Variants in PCDHA3 observed in about 807,000 individuals in gnomAD.
PCDHA3 encodes the protein protocadherin alpha-3.
In PCDHA3, 41 loss-of-function variants were observed where a neutral mutation model predicts 62.2. The observed-to-expected ratio is 0.66, with a 90% CI of 0.51 to 0.86. The LOEUF (loss-of-function observed/expected upper bound fraction) is 0.86, where lower values mean the gene tolerates loss of function less well. Ranked by LOEUF, PCDHA3 falls within the 40% of genes least tolerant of loss-of-function variation. PCDHA3 has a pLI of 0.00. For synonymous variants in PCDHA3, 640 were observed against 555.4 expected (o/e 1.15, Z -2.14); for missense variants, 1,304 against 1,241.2 (o/e 1.05, Z -0.76).
At chr5:140,989,140 C>A (rs2153881117) in intron 3 of PCDHA3, among the ~76,000 whole-genome samples, 1 of 152,290 alleles carries the variant, frequency 6.6e-6, no homozygotes, top group East Asian at 1.9e-4. Context: ...CACTTTATCC[C>A]TTCTTTTGTT....
intron 1 of PCDHA3, among the ~76,000 whole-genome samples, chr5:140,949,015 T>A (rs1004348581): frequency 7.9e-5 from 12 of 151,734 alleles, no homozygotes; most frequent in Non-Finnish European, 1.2e-4. Context: ...ATATGTGATG[T>A]TTTTATTTTT....
chr5:140,968,935 C>T, intron 1 of PCDHA3: 1 of 1,614,172 alleles, frequency 6.2e-7, no homozygotes, highest in Non-Finnish European at 8.5e-7. Context: ...TTTTGACAAT[C>T]ATCATTTTGA....
At chr5:140,841,682 G>T (rs2150320729) in intron 1 of PCDHA3, 21 of 1,613,844 alleles carry the variant, frequency 1.3e-5, no homozygotes, top group South Asian at 5.5e-5. Context: ...CCATGTGGAC[G>T]TGGAGGTGAA....
At chr5:140,871,934 C>T (rs2053394158) in intron 1 of PCDHA3, among the ~76,000 whole-genome samples, 1 of 152,222 alleles carries the variant, frequency 6.6e-6, no homozygotes, top group Non-Finnish European at 1.5e-5. Flanking sequence ...GTTAGATCAA[C>T]TGGCTTTGTT....
chr5:140,805,949 A>G (rs574617757), intron 1 of PCDHA3, among the ~76,000 whole-genome samples: 3 of 152,352 alleles, frequency 2.0e-5, no homozygotes, highest in Non-Finnish European at 4.4e-5. Context: ...TGAGCTATTA[A>G]ACAATTAAGA....
rs1434027533 is a variant in PCDHA3, at chr5:140,831,618, C to A, written c.2394+28027C>A. ...GTGCAAGTGATCTGCCCACCTTGGC[C>A]TCCCAAAGTACTAAGATTATAGGTG... On this transcript the variant is annotated intron_variant, in intron 1 of 3. Coordinates refer to ENST00000522353, the MANE Select transcript of PCDHA3 (RefSeq NM_018906.3). 2.6e-5 allele frequency among the ~76,000 whole-genome samples: 4 copies of A among 151,234 alleles called. No homozygotes were observed. In the South Asian group the frequency reaches 8.3e-4, roughly 32 times the overall value.
intron 1 of PCDHA3, chr5:140,827,999 G>T: frequency 6.7e-7 from 1 of 1,484,114 alleles, no homozygotes; most frequent in Non-Finnish European, 9.0e-7. Context: ...GATGGCGGAC[G>T]CAGAAGAAAT....
chr5:140,815,952 G>A (rs1046719441), intron 1 of PCDHA3: 1 of 152,178 alleles, frequency 6.6e-6, no homozygotes, highest in Non-Finnish European at 1.5e-5. Context: ...TACTGGTAGA[G>A]TTAGGGGTGT....
chr5:140,870,366 A>G, intron 1 of PCDHA3: 1 of 1,613,926 alleles, frequency 6.2e-7, no homozygotes, highest in South Asian at 1.1e-5. Flanking sequence ...GGGCCTATGA[A>G]CTGGTGGTGA....
Position 141,012,307 on chromosome 5 carries a change from T to G in PCDHA3, c.*2370T>G, listed in dbSNP as rs369179929. ...CATTTTGAATTGGTGCTATTGGTAT[T>G]TCCTCTGTTATTGCTAATAAATGAA... On this transcript the variant is annotated 3_prime_UTR_variant, in exon 4 of 4. Transcript: ENST00000522353. 1 of 153,794 alleles carries G rather than the reference T, an allele frequency of 6.5e-6. No homozygotes were observed. The highest frequency in any genetic ancestry group is 1.5e-5 in the Non-Finnish European group (1 of 68,040). 9.5% of individuals were successfully genotyped at this position (153,794 alleles called of 1,614,324 possible).
chr5:140,896,227 A>G (rs1332090647), intron 1 of PCDHA3, among the ~76,000 whole-genome samples: 1 of 152,230 alleles, frequency 6.6e-6, no homozygotes, highest in Non-Finnish European at 1.5e-5. Flanking sequence ...TCTTTATAGT[A>G]GAATGACTTA....
Position 140,842,949 on chromosome 5 carries a change from C to T in PCDHA3, c.2394+39358C>T. On this transcript the variant is annotated intron_variant, in intron 1 of 3. Coordinates refer to ENST00000522353, the MANE Select transcript of PCDHA3 (RefSeq NM_018906.3). Reference sequence around the variant, plus strand: ...GTGAGCGCGCGCGACGCGGGCGTGCCGCCTCTGGGCAGCAACGTGACGCTG... The same window carrying T: ...GTGAGCGCGCGCGACGCGGGCGTGCTGCCTCTGGGCAGCAACGTGACGCTG... The T allele has an allele frequency of 3.1e-6, 5 of 1,594,666 alleles. 1 individual carries two copies. The highest frequency in any genetic ancestry group is 4.3e-6 in the Non-Finnish European group (5 of 1,165,460).
chr5:140,870,190 C>T (rs1554163883), intron 1 of PCDHA3: 15 of 1,614,174 alleles, frequency 9.3e-6, no homozygotes, highest in Non-Finnish European at 1.1e-5. Flanking sequence ...AGAGGACGCT[C>T]AGCCCAGCAC....
At chr5:140,927,097 G>A in intron 1 of PCDHA3, 1 of 1,613,358 alleles carries the variant, frequency 6.2e-7, no homozygotes, top group Non-Finnish European at 8.5e-7. Context: ...CTTCGGGGTG[G>A]ATCTACCCAG....
Position 140,857,655 on chromosome 5 carries a change from C to G in PCDHA3, c.2394+54064C>G, listed in dbSNP as rs782490979. 3.1e-6 allele frequency: 5 copies of G among 1,596,614 alleles called. No homozygotes were observed. The Admixed American group carries it at 6.7e-5, about 22-fold the overall frequency. ...GAGCTGCTACAGTTCCAGGTGAGCG[C>G]GCGCGATGGGGGCGTGCCGCCTCTG... On this transcript the variant is annotated intron_variant, in intron 1 of 3. Transcript: ENST00000522353.
intron 1 of PCDHA3, chr5:140,808,884 T>C: frequency 1.9e-6 from 3 of 1,613,368 alleles, no homozygotes; most frequent in Non-Finnish European, 2.5e-6. Context: ...CCAGCACTGC[T>C]AGCGCCTCGG....
In PCDHA3 at chr5:140,803,039, G is replaced by C. The variant is rs1554122540; in HGVS notation, c.1842G>C (p.Gly614=). The C allele has an allele frequency of 4.3e-6, 7 of 1,614,024 alleles. No homozygotes were observed. Among genetic ancestry groups the C allele is most frequent in the Non-Finnish European group, 8.5e-7 (1 of 1,179,942 alleles). ...GGCTTTCGTATGAGCTGCAGCCTGG[G>C]ACCGGCGGTGCGCGCATCCCGTTTC... is the stretch of plus-strand genomic sequence containing the variant. ...NAWLSYELQP[G]TGGARIPFRV... is the part of the protein sequence containing the mutation. Residue 614 remains glycine, a synonymous_variant, in exon 1 of 4, where the codon GGG becomes GGC. Coordinates refer to ENST00000522353, the MANE Select transcript of PCDHA3 (RefSeq NM_018906.3).
intron 1 of PCDHA3, chr5:140,863,226 C>CCGA: frequency 1.7e-6 from 2 of 1,160,306 alleles, no homozygotes; most frequent in Non-Finnish European, 2.5e-6. Context: ...CGAGGAAGGT[C>CCGA]CCATCGCGGG....
At chr5:140,905,842 T>C (rs2072141061) in intron 1 of PCDHA3, among the ~76,000 whole-genome samples, 1 of 152,148 alleles carries the variant, frequency 6.6e-6, no homozygotes, top group Non-Finnish European at 1.5e-5. Flanking sequence ...GGGGAGTTTA[T>C]TAAGGAGTAT....
Sources: gnomAD v4.1 joint callset for allele counts (sites outside exome capture counted in the v4.1 genomes callset) on GRCh38, gnomAD v4.1.1 for gene constraint, MANE v1.5 for transcripts, NCBI Gene and HGNC (gene_info 2026-07-23, HGNC 2026-07-21) for gene names.